ROBO1: variants seen among roughly 807,000 people sequenced by gnomAD.
The protein encoded by ROBO1 is roundabout homolog 1.
A neutral mutation model predicts 195.9 loss-of-function variants in ROBO1; 149 were observed. The ratio of observed to expected loss-of-function variants is 0.76; its 90% CI spans 0.67 to 0.87. The LOEUF (loss-of-function observed/expected upper bound fraction) is 0.87. Among genes scored for constraint, ROBO1 ranks in the 40% least tolerant of loss-of-function variants. The pLI, the probability that ROBO1 is intolerant of heterozygous loss-of-function variation, is 0.00. For missense variants in ROBO1, 1,933 were observed against 2,068.3 expected (o/e 0.93, Z 1.27); for synonymous variants, 816 against 733.2 (o/e 1.11, Z -1.82).
At chr3:79,461,040 A>G (rs1383165486) in intron 2 of ROBO1, among the ~76,000 whole-genome samples, 2 of 152,196 alleles carry the variant, frequency 1.3e-5, no homozygotes, top group African/African-American at 2.4e-5. Flanking sequence ...AATTAATAAA[A>G]TTTTAGTTTA....
At chr3:79,659,622 C>G (rs68064297) in intron 1 of ROBO1, among the ~76,000 whole-genome samples, 1 of 132,794 alleles carries the variant, frequency 7.5e-6, no homozygotes, top group Non-Finnish European at 1.7e-5. Flanking sequence ...AAAAAAAAAA[C>G]ACAATATTTT....
In ROBO1 at chr3:79,045,443, G is replaced by A. The variant is rs188259460; in HGVS notation, c.172+80013C>T. Among the ~76,000 whole-genome samples, 87 of 151,940 alleles carry A rather than the reference G, an allele frequency of 5.7e-4. 1 individual carries two copies. Among genetic ancestry groups the A allele is most frequent in the African/African-American group, 2.0e-3 (85 of 41,480 alleles). ...CAAAATTTTCCAGTTTAAACTTCTT[G>A]GTTTTAGTAAACCTTAATAATTATA... On this transcript the variant is annotated intron_variant, in intron 3 of 30. Transcript: ENST00000464233.
intron 4 of ROBO1, among the ~76,000 whole-genome samples, chr3:78,915,405 T>C (rs1218743477): frequency 6.6e-6 from 1 of 152,196 alleles, no homozygotes; most frequent in Non-Finnish European, 1.5e-5. Flanking sequence ...TACTTTCAAA[T>C]TAACTTCATA....
chr3:79,764,287 C>A lies in ROBO1; in HGVS notation c.-51+3465G>T, dbSNP rs936995367. 3.3e-5 allele frequency among the ~76,000 whole-genome samples: 5 copies of A among 152,284 alleles called. No individual in the cohort carries two copies. In the East Asian group the frequency reaches 7.7e-4, roughly 24 times the overall value. On this transcript the variant is annotated intron_variant, in intron 1 of 30. Transcript: ENST00000464233. ...AATTGGCACTAATATATTTTAGGTACAAATATGAATACATTAACAGTAACA... is the reference window on the plus strand; with the variant it reads ...AATTGGCACTAATATATTTTAGGTAAAAATATGAATACATTAACAGTAACA...
intron 3 of ROBO1, among the ~76,000 whole-genome samples, chr3:78,997,321 G>GACC (rs2077391562): frequency 6.6e-6 from 1 of 152,072 alleles, no homozygotes; most frequent in South Asian, 2.1e-4. Flanking sequence ...TTGTTTCTCT[G>GACC]ACCACTAGCA....
chr3:79,531,993 A>G (rs958154901), intron 2 of ROBO1, among the ~76,000 whole-genome samples: 5 of 152,198 alleles, frequency 3.3e-5, no homozygotes, highest in African/African-American at 1.2e-4. Flanking sequence ...TGTTTGAGAG[A>G]GAATTTGAGC....
At chr3:79,633,025 T>A (rs541019178) in intron 1 of ROBO1, among the ~76,000 whole-genome samples, 2 of 152,128 alleles carry the variant, frequency 1.3e-5, no homozygotes, top group African/African-American at 4.8e-5. Flanking sequence ...AAAAAAAAGT[T>A]AAATGCTATG....
intron 26 of ROBO1, among the ~76,000 whole-genome samples, chr3:78,619,588 A>G (rs2107414347): frequency 6.6e-6 from 1 of 151,722 alleles, no homozygotes; most frequent in East Asian, 2.0e-4. Context: ...CCTTAGCCCT[A>G]GGAGAATGCA....
intron 2 of ROBO1, among the ~76,000 whole-genome samples, chr3:79,347,129 G>A (rs1012397098): frequency 5.9e-5 from 9 of 152,164 alleles, no homozygotes; most frequent in Middle Eastern, 3.4e-3. Context: ...ACCCCATTTC[G>A]ACAGTATTTA....
chr3:78,734,624 A>C (rs1305026868), intron 5 of ROBO1, among the ~76,000 whole-genome samples: 2 of 151,980 alleles, frequency 1.3e-5, no homozygotes, highest in Non-Finnish European at 2.9e-5. Flanking sequence ...AAAAAAAAAA[A>C]AAACCTCCAG....
chr3:78,712,108 G>A lies in ROBO1; in HGVS notation c.1045+2289C>T, dbSNP rs1330984637. Among the ~76,000 whole-genome samples, 3 of 145,500 alleles carry A rather than the reference G, an allele frequency of 2.1e-5. No individual in the cohort carries two copies. The East Asian group carries it at 6.5e-4, about 32-fold the overall frequency. ...AATTAACTACATCTGTGCTGGGGGT[G>A]AAAATCAAATGGCCACCCTTATGTA... On this transcript the variant is annotated intron_variant, in intron 8 of 30. Transcript: ENST00000464233.
Position 79,289,092 on chromosome 3 carries a change from AT to A in ROBO1, c.89-163554del, listed in dbSNP as rs5850419. Among the ~76,000 whole-genome samples the A allele has an allele frequency of 3.7e-3, 545 of 147,298 alleles. 2 individuals are homozygous for A. The highest frequency in any genetic ancestry group is 6.4e-3 in the Admixed American group (94 of 14,692). ...ATTTAATCTAAGTCCAGGTGAAATC[AT>A]TTTTTTTTTTTAGATAATAAAAAAA... On this transcript the variant is annotated intron_variant, in intron 2 of 30. Coordinates refer to ENST00000464233, the MANE Select transcript of ROBO1 (RefSeq NM_002941.4).
intron 9 of ROBO1, among the ~76,000 whole-genome samples, chr3:78,687,370 A>G (rs1200684910): frequency 6.6e-6 from 1 of 152,200 alleles, no homozygotes; most frequent in Non-Finnish European, 1.5e-5. Flanking sequence ...TAGAATTCAA[A>G]TAAGGGCCTA....
chr3:79,043,670 C>T (rs1335924523), intron 3 of ROBO1, among the ~76,000 whole-genome samples: 1 of 151,868 alleles, frequency 6.6e-6, no homozygotes, highest in East Asian at 1.9e-4. Context: ...TTTATATTTC[C>T]ACATCATTAT....
chr3:79,721,337 G>A (rs12493800), intron 1 of ROBO1, among the ~76,000 whole-genome samples: 93,080 of 151,696 alleles, frequency 0.61, 29,076 homozygotes, highest in East Asian at 0.91. Context: ...AACTTTGATG[G>A]AAACTATGAG....
intron 20 of ROBO1, among the ~76,000 whole-genome samples, chr3:78,647,143 C>T (rs1217344277): frequency 2.0e-5 from 3 of 151,862 alleles, no homozygotes; most frequent in Admixed American, 6.6e-5. Context: ...TTGGATAGAA[C>T]GGAATATTAG....
chr3:79,163,650 C>CA (rs1559704570), intron 2 of ROBO1, among the ~76,000 whole-genome samples: 1 of 152,106 alleles, frequency 6.6e-6, no homozygotes, highest in Admixed American at 6.6e-5. Flanking sequence ...GAACAGTGCA[C>CA]AAGGGTTCCA....
At chr3:79,488,896 G>T (rs1029490319) in intron 2 of ROBO1, among the ~76,000 whole-genome samples, 2 of 152,110 alleles carry the variant, frequency 1.3e-5, no homozygotes, top group Admixed American at 1.3e-4. Flanking sequence ...GCCCTTGGAT[G>T]CTTTATTTAT....
intron 28 of ROBO1, among the ~76,000 whole-genome samples, chr3:78,612,245 A>C (rs930772182): frequency 2.6e-5 from 4 of 152,176 alleles, no homozygotes; most frequent in Non-Finnish European, 5.9e-5. Flanking sequence ...AAACTCATCC[A>C]TCATAATCCA....
Sources: allele counts gnomAD v4.1 joint callset (sites outside exome capture counted in the v4.1 genomes callset), GRCh38; gene constraint gnomAD v4.1.1; transcripts MANE v1.5; gene names NCBI Gene and HGNC (gene_info 2026-07-23, HGNC 2026-07-21).